LCN15: variants seen among roughly 807,000 people sequenced by gnomAD.
The protein encoded by LCN15 is lipocalin-15.
A neutral mutation model predicts 23.1 loss-of-function variants in LCN15; 26 were observed. That is an observed-to-expected ratio of 1.13 (90% CI 0.82 to 1.56). The LOEUF (loss-of-function observed/expected upper bound fraction) is 1.56, where lower values mean the gene tolerates loss of function less well. Ranked by LOEUF, LCN15 falls within the 40% of genes most tolerant of loss-of-function variation. LCN15 has a pLI of 0.00. For missense variants in LCN15, 241 were observed against 239.5 expected, an observed-to-expected ratio of 1.01 and a Z score of -0.04; for synonymous variants, 107 against 98.3, an observed-to-expected ratio of 1.09 and a Z score of -0.52.
At chr9:136,760,396 G>A (rs966711594) in intron 6 of LCN15, among the ~76,000 whole-genome samples, 1 of 152,212 alleles carries the variant, frequency 6.6e-6, no homozygotes. Context: ...CAGGGAGAGG[G>A]TCCTGGGAGT....
chr9:136,762,874 G>A (rs538390185), intron 4 of LCN15, among the ~76,000 whole-genome samples: 10 of 147,168 alleles, frequency 6.8e-5, no homozygotes, highest in Non-Finnish European at 1.0e-4. Flanking sequence ...AGTGAGCCGA[G>A]ATCGCGCCAC....
At chr9:136,764,130 G>A (rs1393547211) in intron 1 of LCN15, 121 bp from the exon 2 acceptor site, 1 of 1,264,996 alleles carries the variant, frequency 7.9e-7, no homozygotes, top group Non-Finnish European at 1.1e-6. Context: ...CCATGTCTTG[G>A]GTGTGAGCTG....
Position 136,764,454 on chromosome 9 carries a change from A to G in LCN15, c.35T>C (p.Leu12Pro), listed in dbSNP as rs1263451391. 1 of 1,613,288 alleles carries G rather than the reference A, an allele frequency of 6.2e-7. No individual in the cohort carries two copies. The highest frequency in any genetic ancestry group is 8.5e-7 in the Non-Finnish European group (1 of 1,179,826). ...MSFLLGAILTLLWAPTAQAEV... is the reference protein window; with the variant it reads ...MSFLLGAILTPLWAPTAQAEV... ...AGCCTGAGCCGTGGGCGCCCAGAGC[A>G]GGGTCAGGATTGCGCCGAGCAGGAA... is the stretch of plus-strand genomic sequence containing the variant. Residue 12 changes from leucine (L) to proline (P), a missense_variant, in exon 1 of 7, where the codon CTG (leucine) becomes CCG (proline). Coordinates refer to ENST00000316144, the MANE Select transcript of LCN15 (RefSeq NM_203347.2).
chr9:136,761,902 CG>C lies in LCN15; in HGVS notation c.521-50del, dbSNP rs1847321829. On this transcript the variant is annotated intron_variant, in intron 5 of 6. Transcript: ENST00000316144. This position sits in a 1 kb window ranked among gnomAD's most constrained non-coding sequence, Gnocchi z 4.2. Reference sequence around the variant, plus strand: ...AGATGCTGACGGCCAGGACCGCCCTCGCTTCCCGCAGCCCCCAACCCCTGGG... The same window carrying C: ...AGATGCTGACGGCCAGGACCGCCCTCCTTCCCGCAGCCCCCAACCCCTGGG... 3 of 1,315,134 alleles carry C rather than the reference CG, an allele frequency of 2.3e-6. No individual in the cohort carries two copies. The highest frequency in any genetic ancestry group is 2.9e-6 in the Non-Finnish European group (3 of 1,027,450). The allele number at this position is 1,315,134 out of a possible 1,614,324, so 81.5% of individuals were successfully genotyped here. A position where few individuals can be genotyped will look rare whatever the true frequency, so the allele number is the denominator to read the frequency against.
intron 4 of LCN15, 150 bp from the exon 5 acceptor site, chr9:136,762,439 T>C: frequency 1.6e-6 from 1 of 634,530 alleles, no homozygotes; most frequent in East Asian, 3.1e-5. Context: ...CCTGCCTGGC[T>C]GAAGGAAACT....
chr9:136,763,443 A>T lies in LCN15; in HGVS notation c.332T>A (p.Ile111Asn). The T allele has an allele frequency of 6.2e-7, 1 of 1,609,118 alleles. No homozygotes were observed. ...GAAGGAGCTGTAGTCTGTGTCCACGATGCGCACGTCCAGGTAGCCCAAGGC... is the reference window on the plus strand; with the variant it reads ...GAAGGAGCTGTAGTCTGTGTCCACGTTGCGCACGTCCAGGTAGCCCAAGGC... ...VPALGYLDVR[I>N]VDTDYSSFAV... Residue 111 changes from isoleucine (I) to asparagine (N), a missense_variant, in exon 4 of 7, where the codon ATC becomes AAC. Ile to Asn is a moderately radical substitution (Grantham distance 149). Transcript: ENST00000316144.
At chr9:136,762,829 A>G (rs916771640) in intron 4 of LCN15, among the ~76,000 whole-genome samples, 5 of 151,126 alleles carry the variant, frequency 3.3e-5, no homozygotes, top group African/African-American at 9.7e-5. Context: ...GGGCTGAGGC[A>G]GGAGAATTGC....
chr9:136,762,998 C>A (rs558442274), intron 4 of LCN15, among the ~76,000 whole-genome samples: 1 of 150,634 alleles, frequency 6.6e-6, no homozygotes, highest in Non-Finnish European at 1.5e-5. Flanking sequence ...AAGGGCGGGG[C>A]ACCACTCTCA....
chr9:136,761,319 G>A lies in LCN15; in HGVS notation c.*32+468C>T, dbSNP rs966290973. On this transcript the variant is annotated intron_variant, in intron 6 of 6. Coordinates refer to ENST00000316144, the MANE Select transcript of LCN15 (RefSeq NM_203347.2). The surrounding 1 kb of genome is among the most constrained non-coding windows in gnomAD (Gnocchi z 4.2). ...CTTGTCACCCAGGCTGGACTGTAAT[G>A]GTGCAATCTCGGCTCACCGCAACCT... 1.3e-5 allele frequency among the ~76,000 whole-genome samples: 2 copies of A among 152,214 alleles called. No individual in the cohort carries two copies. The highest frequency in any genetic ancestry group is 4.8e-5 in the African/African-American group (2 of 41,450).
intron 4 of LCN15, among the ~76,000 whole-genome samples, chr9:136,762,697 C>A (rs1474356115): frequency 6.6e-6 from 1 of 152,094 alleles, no homozygotes; most frequent in African/African-American, 2.4e-5. Context: ...GTCAGGAGAT[C>A]GAGACCATCC....
In LCN15 at chr9:136,761,807, G is replaced by C; in HGVS notation, c.*12C>G. 1 of 1,285,620 alleles carries C rather than the reference G, an allele frequency of 7.8e-7. No homozygotes were observed. 79.6% of individuals were successfully genotyped at this position (1,285,620 alleles called of 1,614,324 possible). A position where few individuals can be genotyped will look rare whatever the true frequency, so the allele number is the denominator to read the frequency against. The stretch of plus-strand genomic sequence containing the variant: ...CCCACCTGGGAAGGGCGGGGGTGGG[G>C]CTCCGGAGGTGTCAGGGCGCCTCCT... On this transcript the variant is annotated 3_prime_UTR_variant, in exon 6 of 7. Transcript: ENST00000316144. This position sits in a 1 kb window ranked among gnomAD's most constrained non-coding sequence, Gnocchi z 4.2.
intron 3 of LCN15, 54 bp downstream of exon 3, chr9:136,763,656 GTCA>G (rs1234857403): frequency 6.3e-7 from 1 of 1,581,694 alleles, no homozygotes; most frequent in Non-Finnish European, 8.6e-7. Context: ...TCAGCCCCAC[GTCA>G]CCCCCAGAGA....
At position 136,761,890 on chromosome 9, in the gene LCN15, C is replaced by A; in HGVS notation, c.521-37G>T. The A allele has an allele frequency of 7.5e-7, 1 of 1,327,614 alleles. No homozygotes were observed. Among genetic ancestry groups the A allele is most frequent in the South Asian group, 2.4e-5 (1 of 41,378 alleles). 82.2% of individuals were successfully genotyped at this position (1,327,614 alleles called of 1,614,324 possible). ...AAGACATCCGTGAGATGCTGACGGC[C>A]AGGACCGCCCTCGCTTCCCGCAGCC... On this transcript the variant is annotated intron_variant, in intron 5 of 6. Coordinates refer to ENST00000316144, the MANE Select transcript of LCN15 (RefSeq NM_203347.2). This position sits in a 1 kb window ranked among gnomAD's most constrained non-coding sequence, Gnocchi z 4.2.
chr9:136,761,868 A>C lies in LCN15; in HGVS notation c.521-15T>G. 1 of 1,334,334 alleles carries C rather than the reference A, an allele frequency of 7.5e-7. No homozygotes were observed. 82.7% of individuals were successfully genotyped at this position (1,334,334 alleles called of 1,614,324 possible). A position where few individuals can be genotyped will look rare whatever the true frequency, so the allele number is the denominator to read the frequency against. On this transcript the variant is annotated splice_polypyrimidine_tract_variant and intron_variant, in intron 5 of 6. Coordinates refer to ENST00000316144, the MANE Select transcript of LCN15 (RefSeq NM_203347.2). This position sits in a 1 kb window ranked among gnomAD's most constrained non-coding sequence, Gnocchi z 4.2. ...GTTGCATGCATCTGTGGGGAGGAAG[A>C]CATCCGTGAGATGCTGACGGCCAGG...
At chr9:136,762,329 A>G (rs1458115879) in intron 4 of LCN15, 40 bp from the exon 5 acceptor site, 1 of 1,202,152 alleles carries the variant, frequency 8.3e-7, no homozygotes, top group East Asian at 2.6e-5. Context: ...AGCAGCTCAC[A>G]GGAGTGCAGC....
chr9:136,764,131 G>T, intron 1 of LCN15, 122 bp from the exon 2 acceptor site: 3 of 1,264,928 alleles, frequency 2.4e-6, no homozygotes, highest in Non-Finnish European at 3.3e-6. Context: ...CATGTCTTGG[G>T]TGTGAGCTGA....
rs372194987 is a variant in LCN15 at position 136,764,005 on chromosome 9, G to T, written c.101C>A (p.Ser34Ter). ...CATGGAGACCACGTACCAGAGGCCT[G>T]AGAACTGCCGGGGGCTTAGTCACCC... is the stretch of plus-strand genomic sequence containing the variant. ...LQPDFNAEKF[S>*]GLWYVVSMAS... Residue 34 changes from serine (S) to a stop codon, truncating the protein, a stop_gained, in exon 2 of 7, where the codon TCA becomes TAA. Transcript: ENST00000316144. LOFTEE classifies it high-confidence loss of function. 32 of 1,612,664 alleles carry T rather than the reference G, an allele frequency of 2.0e-5. No individual in the cohort carries two copies. Among genetic ancestry groups the T allele is most frequent in the Non-Finnish European group, 2.6e-5 (31 of 1,179,848 alleles).
chr9:136,760,170 G>A (rs1290518835), intron 6 of LCN15, among the ~76,000 whole-genome samples: 2 of 152,378 alleles, frequency 1.3e-5, no homozygotes, highest in South Asian at 2.1e-4. Flanking sequence ...ACGGTCACGC[G>A]TGGTGGCCCA....
intron 4 of LCN15, 72 bp from the exon 5 acceptor site, chr9:136,762,361 C>A: frequency 1.1e-6 from 1 of 877,194 alleles, no homozygotes; most frequent in South Asian, 1.5e-5. Flanking sequence ...TGGCCTCACT[C>A]CACCAGCCTG....
Sources: allele counts gnomAD v4.1 joint callset (sites outside exome capture counted in the v4.1 genomes callset), GRCh38; gene constraint gnomAD v4.1.1; non-coding constraint Gnocchi (gnomAD v3.1); transcripts MANE v1.5; gene names NCBI Gene and HGNC (gene_info 2026-07-23, HGNC 2026-07-21).